Variants in NDC80 observed in about 807,000 individuals in gnomAD.
NDC80 encodes NDC80 kinetochore complex component, also known as kinetochore protein NDC80 homolog.
In NDC80, 69 loss-of-function variants were observed where a neutral mutation model predicts 89.3. The ratio of observed to expected loss-of-function variants is 0.77; its 90% CI spans 0.64 to 0.94. The LOEUF (loss-of-function observed/expected upper bound fraction) is 0.94, where lower values mean the gene tolerates loss of function less well. NDC80 is among the 40% of genes least tolerant of loss of function. NDC80 has a pLI of 0.00. For synonymous variants in NDC80, 243 were observed against 255.6 expected (o/e 0.95, Z 0.47); for missense variants, 593 against 739.6 (o/e 0.80, Z 2.30).
intron 8 of NDC80, 53 bp downstream of exon 8, chr18:2,587,976 T>C (rs768912717): frequency 1.4e-6 from 2 of 1,388,410 alleles, no homozygotes; most frequent in Admixed American, 1.7e-5. Context: ...ACTCTGCTCA[T>C]GGAGTGGTAA....
intron 13 of NDC80, among the ~76,000 whole-genome samples, chr18:2,605,242 A>G (rs1396305178): frequency 1.4e-5 from 2 of 147,384 alleles, no homozygotes; most frequent in African/African-American, 5.1e-5. Flanking sequence ...GAGAATGTCC[A>G]GTAGGCAATT....
intron 3 of NDC80, among the ~76,000 whole-genome samples, chr18:2,576,369 AT>A (rs1194651075): frequency 6.6e-6 from 1 of 152,230 alleles, no homozygotes; most frequent in Non-Finnish European, 1.5e-5. Flanking sequence ...GAAGAGTGAC[AT>A]TGTTTTACGT....
chr18:2,590,247 T>C, intron 10 of NDC80, 85 bp downstream of exon 10: 1 of 1,374,232 alleles, frequency 7.3e-7, no homozygotes, highest in South Asian at 1.6e-5. Context: ...ATCCATATCT[T>C]TTGTTGTTCT....
chr18:2,596,966 A>AATTGAAC (rs2072660093), intron 11 of NDC80, among the ~76,000 whole-genome samples: 1 of 152,096 alleles, frequency 6.6e-6, no homozygotes, highest in South Asian at 2.1e-4. Flanking sequence ...CATAGGTGGG[A>AATTGAAC]ATTGAACAAT....
chr18:2,613,302 T>A (rs1017440916), intron 16 of NDC80, among the ~76,000 whole-genome samples: 2 of 152,244 alleles, frequency 1.3e-5, no homozygotes, highest in Non-Finnish European at 2.9e-5. Context: ...TAGTTATTAT[T>A]TGATTCTTTA....
intron 6 of NDC80, among the ~76,000 whole-genome samples, chr18:2,580,042 T>C (rs1328185729): frequency 8.5e-6 from 1 of 116,966 alleles, no homozygotes; most frequent in African/African-American, 2.6e-5. Context: ...ACATGGTTTT[T>C]CAGGCAAGTT....
At position 2,583,697 on chromosome 18, in the gene NDC80, C is replaced by CAA. The variant is rs377184384; in HGVS notation, c.580-1400_580-1399dup. On this transcript the variant is annotated intron_variant, in intron 6 of 16. Transcript: ENST00000261597. ...TGGGCGACAGAGGGAGACTCCGTCT[C>CAA]AAAAAAAAAAAAAAAAATCTGTCTG... Among the ~76,000 whole-genome samples, 275 of 116,556 alleles carry CAA rather than the reference C, an allele frequency of 2.4e-3. 2 individuals carry two copies. The highest frequency in any genetic ancestry group is 4.0e-3 in the East Asian group (15 of 3,788). The allele number at this position is 116,556 out of a possible 152,430, so 76.5% of individuals were successfully genotyped here.
At chr18:2,585,308 G>A (rs893096891) in intron 7 of NDC80, 106 bp downstream of exon 7, 27 of 786,106 alleles carry the variant, frequency 3.4e-5, no homozygotes, top group African/African-American at 1.0e-4. Flanking sequence ...GTAATAAACC[G>A]ACTGTAAGGT....
intron 16 of NDC80, among the ~76,000 whole-genome samples, chr18:2,612,587 A>T (rs8090139): frequency 0.79 from 120,541 of 152,060 alleles, 48,023 homozygotes; most frequent in East Asian, 0.96. Flanking sequence ...CTCGCCTGGC[A>T]GTGATTTTCT....
intron 1 of NDC80, among the ~76,000 whole-genome samples, chr18:2,572,745 G>A (rs1170912128): frequency 6.6e-6 from 1 of 152,160 alleles, no homozygotes; most frequent in East Asian, 1.9e-4. Flanking sequence ...TATATATATA[G>A]TGGGCAGTTA....
intron 12 of NDC80, 73 bp downstream of exon 12, chr18:2,599,244 T>G (rs562545519): frequency 2.3e-6 from 3 of 1,304,996 alleles, no homozygotes; most frequent in Admixed American, 5.0e-5. Flanking sequence ...GAACTTTGGC[T>G]TGTTCATAAC....
rs2072614973 is a variant in NDC80, at chr18:2,589,123, G to A, written c.764-81G>A. On this transcript the variant is annotated intron_variant, in intron 8 of 16. Transcript: ENST00000261597. Reference sequence around the variant, plus strand: ...GGGCAGAGACCAGAAGGAAGTGAGGGAGGGAGTAATGGTGAAAACTTGGGA... The same window carrying A: ...GGGCAGAGACCAGAAGGAAGTGAGGAAGGGAGTAATGGTGAAAACTTGGGA... 4.6e-6 allele frequency: 4 copies of A among 860,824 alleles called. No homozygotes were observed. The South Asian group carries it at 5.6e-5, about 12-fold the overall frequency. The allele number at this position is 860,824 out of a possible 1,614,324, so 53.3% of individuals were successfully genotyped here.
intron 16 of NDC80, among the ~76,000 whole-genome samples, chr18:2,615,987 G>T (rs2072781966): frequency 6.6e-6 from 1 of 151,922 alleles, no homozygotes; most frequent in South Asian, 2.1e-4. Flanking sequence ...TTCAGAAAGG[G>T]CACAAAAAGA....
At position 2,595,503 on chromosome 18, in the gene NDC80, G is replaced by A. The variant is rs116875769; in HGVS notation, c.1103G>A (p.Arg368Gln). Reference sequence around the variant, plus strand: ...AAGTACTCAGTTGCAGACATTGAGCGAATAAATCATGAAAGAAATGAATTG... The same window carrying A: ...AAGTACTCAGTTGCAGACATTGAGCAAATAAATCATGAAAGAAATGAATTG... ...NQKYSVADIE[R>Q]INHERNELQQ... Residue 368 changes from arginine to glutamine, a missense_variant, in exon 11 of 17, where the codon CGA becomes CAA. Arg to Gln is a conservative substitution (Grantham distance 43, BLOSUM62 1). Transcript: ENST00000261597. 251 of 1,613,690 alleles carry A rather than the reference G, an allele frequency of 1.6e-4. 1 individual carries two copies. Among genetic ancestry groups the A allele is most frequent in the Middle Eastern group, 3.3e-4 (2 of 6,056 alleles).
intron 8 of NDC80, among the ~76,000 whole-genome samples, 174 bp from the exon 9 acceptor site, chr18:2,589,030 G>C (rs1169370674): frequency 4.6e-5 from 7 of 152,080 alleles, no homozygotes; most frequent in Non-Finnish European, 1.0e-4. Context: ...GAGAGTCGAA[G>C]TACGGTGGAG....
intron 7 of NDC80, among the ~76,000 whole-genome samples, chr18:2,586,903 T>A (rs2644200): frequency 0.98 from 149,411 of 152,324 alleles, 73,339 homozygotes; most frequent in East Asian, 1. Flanking sequence ...GCTTCACAAG[T>A]TTCCGATACT....
intron 11 of NDC80, 90 bp from the exon 12 acceptor site, chr18:2,598,929 A>G: frequency 1.6e-6 from 2 of 1,277,372 alleles, no homozygotes; most frequent in Non-Finnish European, 2.1e-6. Flanking sequence ...TAGGTGTGAT[A>G]TGTTTTGTAT....
chr18:2,606,858 A>T (rs1192369320), intron 14 of NDC80, among the ~76,000 whole-genome samples: 2 of 152,242 alleles, frequency 1.3e-5, no homozygotes, highest in Non-Finnish European at 1.5e-5. Context: ...CCTGAACCCC[A>T]ATAAGGTCTT....
chr18:2,573,819 T>C (rs770568837), intron 2 of NDC80, among the ~76,000 whole-genome samples: 1 of 152,190 alleles, frequency 6.6e-6, no homozygotes, highest in African/African-American at 2.4e-5. Flanking sequence ...ACATTACTTA[T>C]ACCAAAAAAA....
Sources: allele counts gnomAD v4.1 joint callset (sites outside exome capture counted in the v4.1 genomes callset), GRCh38; gene constraint gnomAD v4.1.1; transcripts MANE v1.5; gene names NCBI Gene and HGNC (gene_info 2026-07-23, HGNC 2026-07-21).